The following TMEM117 variants were observed in gnomAD, a reference collection of about 807,000 sequenced individuals.
TMEM117 encodes transmembrane protein 117.
In TMEM117, 27 loss-of-function variants were observed where a neutral mutation model predicts 52.4. The observed-to-expected ratio is 0.51, with a 90% CI of 0.38 to 0.71. The LOEUF (loss-of-function observed/expected upper bound fraction) is 0.71, where lower values mean the gene tolerates loss of function less well. Ranked by LOEUF, TMEM117 falls within the 30% of genes least tolerant of loss-of-function variation. The pLI, the probability that TMEM117 is intolerant of heterozygous loss-of-function variation, is 0.00. For missense variants in TMEM117, 556 were observed against 630.5 expected (o/e 0.88, Z 1.26); for synonymous variants, 215 against 206.3 (o/e 1.04, Z -0.36).
At chr12:44,104,707 C>T (rs1003144077) in intron 3 of TMEM117, among the ~76,000 whole-genome samples, 3 of 151,942 alleles carry the variant, frequency 2.0e-5, no homozygotes, top group African/African-American at 4.8e-5. Flanking sequence ...CTGTGAATGT[C>T]TTTATTCTCA....
intron 3 of TMEM117, among the ~76,000 whole-genome samples, chr12:44,090,450 A>G (rs558550930): frequency 1.7e-5 from 2 of 117,166 alleles, no homozygotes; most frequent in South Asian, 2.9e-4. Flanking sequence ...TTATTTATTT[A>G]TTTTGAGACT....
chr12:44,038,296 T>G (rs1946742471), intron 3 of TMEM117, among the ~76,000 whole-genome samples: 1 of 152,210 alleles, frequency 6.6e-6, no homozygotes, highest in Non-Finnish European at 1.5e-5. Context: ...TGTGACACCC[T>G]CTCTGGGGCT....
At chr12:43,845,591 G>A (rs1565716121) in intron 2 of TMEM117, among the ~76,000 whole-genome samples, 1 of 150,460 alleles carries the variant, frequency 6.6e-6, no homozygotes, top group Non-Finnish European at 1.5e-5. Context: ...GGTGCACAAT[G>A]TGCAGGTTTG....
intron 2 of TMEM117, among the ~76,000 whole-genome samples, chr12:43,901,257 C>G (rs1474122610): frequency 6.6e-6 from 1 of 151,966 alleles, no homozygotes; most frequent in Non-Finnish European, 1.5e-5. Context: ...TCTCCAGATG[C>G]TTTCTTTTTC....
intron 3 of TMEM117, among the ~76,000 whole-genome samples, chr12:43,992,807 G>GT (rs1221351640): frequency 6.6e-6 from 1 of 152,058 alleles, no homozygotes; most frequent in Non-Finnish European, 1.5e-5. Context: ...TCAAGGTTTG[G>GT]TTTATATGCC....
intron 4 of TMEM117, among the ~76,000 whole-genome samples, chr12:44,167,596 G>A (rs142299543): frequency 1.4e-3 from 215 of 152,148 alleles, no homozygotes; most frequent in African/African-American, 5.0e-3. Flanking sequence ...GAACCCGGGA[G>A]GCAGAATTTG....
At chr12:44,290,302 G>A (rs193183273) in intron 5 of TMEM117, among the ~76,000 whole-genome samples, 45 of 152,148 alleles carry the variant, frequency 3.0e-4, no homozygotes, top group Non-Finnish European at 5.6e-4. Context: ...TTGCCAATAC[G>A]AATGTCAAGG....
the TMEM117 span, among the ~76,000 whole-genome samples, chr12:43,810,736 T>C: frequency 6.6e-6 from 1 of 152,222 alleles, no homozygotes. Context: ...AACTACTCTT[T>C]GGAGCTGCCT....
At chr12:43,952,709 A>T (rs760056999) in intron 3 of TMEM117, among the ~76,000 whole-genome samples, 3 of 152,182 alleles carry the variant, frequency 2.0e-5, no homozygotes, top group Non-Finnish European at 4.4e-5. Context: ...AACTAAGTGG[A>T]AAAACACACT....
the TMEM117 span, chr12:43,806,204 G>A: frequency 6.5e-7 from 1 of 1,539,548 alleles, no homozygotes; most frequent in Non-Finnish European, 8.7e-7. Flanking sequence ...CCTGCGAGTC[G>A]CGCCGGGCGC....
At chr12:43,966,745 C>T (rs1945492410) in intron 3 of TMEM117, among the ~76,000 whole-genome samples, 1 of 152,172 alleles carries the variant, frequency 6.6e-6, no homozygotes, top group African/African-American at 2.4e-5. Flanking sequence ...AGAATAAAGT[C>T]ATAGAAATCC....
chr12:44,297,375 A>G (rs1565685467), intron 5 of TMEM117, among the ~76,000 whole-genome samples: 1 of 152,212 alleles, frequency 6.6e-6, no homozygotes, highest in Non-Finnish European at 1.5e-5. Flanking sequence ...GCTCTGACCA[A>G]TAGAATAGAC....
At chr12:44,234,629 AT>A (rs973285881) in intron 5 of TMEM117, among the ~76,000 whole-genome samples, 4 of 149,804 alleles carry the variant, frequency 2.7e-5, no homozygotes, top group East Asian at 2.0e-4. Flanking sequence ...TATTTCCTAC[AT>A]TTTTTTTGCT....
intron 2 of TMEM117, among the ~76,000 whole-genome samples, chr12:43,892,886 C>T (rs556149026): frequency 6.6e-6 from 1 of 152,258 alleles, no homozygotes; most frequent in Admixed American, 6.5e-5. Flanking sequence ...GGGGTAGGCA[C>T]TATTTTAGAT....
chr12:44,023,960 TAAA>T (rs140411826), intron 3 of TMEM117, among the ~76,000 whole-genome samples: 3 of 149,214 alleles, frequency 2.0e-5, no homozygotes, highest in African/African-American at 4.9e-5. Context: ...ACTTAAAGTA[TAAA>T]AAAAAAATCC....
At chr12:44,103,540 C>T (rs1323033094) in intron 3 of TMEM117, among the ~76,000 whole-genome samples, 1 of 151,938 alleles carries the variant, frequency 6.6e-6, no homozygotes, top group East Asian at 1.9e-4. Context: ...CTCTCATTAA[C>T]TTTGCTTCCT....
chr12:44,309,071 A>G (rs562205726), intron 6 of TMEM117, among the ~76,000 whole-genome samples: 18 of 152,356 alleles, frequency 1.2e-4, no homozygotes, highest in African/African-American at 3.8e-4. Flanking sequence ...ACAATCCTCT[A>G]TAATTCAGAG....
At position 44,383,308 on chromosome 12, in the gene TMEM117, G is replaced by GA. The variant is rs553872310; in HGVS notation, c.899-4711dup. 2.2e-4 allele frequency among the ~76,000 whole-genome samples: 33 copies of GA among 151,928 alleles called. No individual in the cohort carries two copies. The South Asian group carries it at 6.6e-3, about 31-fold the overall frequency. On this transcript the variant is annotated intron_variant, in intron 7 of 7. Coordinates refer to ENST00000266534, the MANE Select transcript of TMEM117 (RefSeq NM_032256.3). ...TACCTTATAGTCTTTTTCCTTAGTT[G>GA]AAAAAAATAACACTTTCCCTCAAAT...
At chr12:44,169,850 T>C (rs1183864277) in intron 4 of TMEM117, among the ~76,000 whole-genome samples, 2 of 152,210 alleles carry the variant, frequency 1.3e-5, no homozygotes, top group Non-Finnish European at 2.9e-5. Flanking sequence ...TTGGTGGGAC[T>C]GTAAACTAGT....
Sources: allele counts gnomAD v4.1 joint callset (sites outside exome capture counted in the v4.1 genomes callset), GRCh38; gene constraint gnomAD v4.1.1; transcripts MANE v1.5; gene names NCBI Gene and HGNC (gene_info 2026-07-23, HGNC 2026-07-21).